Variants in TRMT11 observed in about 807,000 individuals in gnomAD.
TRMT11 encodes the protein tRNA (guanine(10)-N(2))-methyltransferase TRMT11.
In TRMT11, 53 loss-of-function variants were observed where a neutral mutation model predicts 62.8. That is an observed-to-expected ratio of 0.84 (90% CI 0.68 to 1.06). TRMT11 has a LOEUF of 1.06. TRMT11 is among the 50% of genes least tolerant of loss of function. TRMT11 has a pLI of 0.00. For missense variants in TRMT11, 556 were observed against 553.4 expected, an observed-to-expected ratio of 1.00 and a Z score of -0.05; for synonymous variants, 188 against 190.3, an observed-to-expected ratio of 0.99 and a Z score of 0.10.
chr6:126,237,943 G>A, the TRMT11 span, among the ~76,000 whole-genome samples: 1 of 151,982 alleles, frequency 6.6e-6, no homozygotes, highest in Non-Finnish European at 1.5e-5. Context: ...GTCTTGGGAG[G>A]GTGTATGTGT....
chr6:126,074,086 C>G (rs1025505106), intron 17 of TRMT11, among the ~76,000 whole-genome samples: 1 of 152,160 alleles, frequency 6.6e-6, no homozygotes, highest in African/African-American at 2.4e-5. Flanking sequence ...AACTACAGTT[C>G]CAGATGAGAT....
intron 17 of TRMT11, among the ~76,000 whole-genome samples, chr6:126,093,048 G>A (rs1777294786): frequency 6.6e-6 from 1 of 152,114 alleles, no homozygotes; most frequent in Non-Finnish European, 1.5e-5. Flanking sequence ...CTCATGAACT[G>A]TTTATTATTT....
intron 21 of TRMT11, among the ~76,000 whole-genome samples, chr6:126,121,297 T>C (rs770132204): frequency 9.9e-5 from 15 of 152,154 alleles, no homozygotes; most frequent in Non-Finnish European, 1.5e-4. Context: ...CATTTAGATA[T>C]GATGCCCATT....
chr6:126,258,239 CCCGGG>C, the TRMT11 span: 1 of 615,482 alleles, frequency 1.6e-6, no homozygotes, highest in Non-Finnish European at 3.2e-6. Flanking sequence ...GTCTGTGCCG[CCCGGG>C]CCTCCTCCTG....
At chr6:126,037,609 T>A (rs567601662) in intron 12 of TRMT11, among the ~76,000 whole-genome samples, 29 of 152,224 alleles carry the variant, frequency 1.9e-4, no homozygotes, top group Non-Finnish European at 8.8e-5. Flanking sequence ...TAATTTTTGA[T>A]AATCTGGGTT....
chr6:126,055,775 G>A (rs1192798236), intron 17 of TRMT11, among the ~76,000 whole-genome samples: 1 of 152,006 alleles, frequency 6.6e-6, no homozygotes, highest in South Asian at 2.1e-4. Flanking sequence ...TCTTTTTCAT[G>A]CTTCCTCAGT....
chr6:126,257,974 G>A, the TRMT11 span: 2 of 1,562,258 alleles, frequency 1.3e-6, no homozygotes, highest in Admixed American at 1.7e-5. Flanking sequence ...TTGTCCAGCA[G>A]GTCAGGGATG....
chr6:126,185,031 C>G (rs1353970322), intron 1 of TRMT11, among the ~76,000 whole-genome samples: 1 of 152,128 alleles, frequency 6.6e-6, no homozygotes, highest in Non-Finnish European at 1.5e-5. Context: ...GTCTTTCTTC[C>G]TGGTCCACTC....
chr6:126,026,808 T>C (rs900547294), intron 12 of TRMT11, among the ~76,000 whole-genome samples: 11 of 148,946 alleles, frequency 7.4e-5, no homozygotes, highest in Non-Finnish European at 1.0e-4. Context: ...TTGGGTTTTT[T>C]TTTTTTTTTT....
At chr6:126,087,263 A>G (rs189608634) in intron 17 of TRMT11, among the ~76,000 whole-genome samples, 1 of 152,342 alleles carries the variant, frequency 6.6e-6, no homozygotes, top group East Asian at 1.9e-4. Context: ...AGAACATTAT[A>G]TTGGAAAATA....
chr6:126,134,301 G>A (rs763082213), intron 21 of TRMT11, among the ~76,000 whole-genome samples: 28 of 151,850 alleles, frequency 1.8e-4, no homozygotes, highest in Non-Finnish European at 3.5e-4. Context: ...TGAAGGGATG[G>A]GAAAAGATAT....
At chr6:126,106,782 G>A (rs1583876641) in intron 17 of TRMT11, among the ~76,000 whole-genome samples, 1 of 152,150 alleles carries the variant, frequency 6.6e-6, no homozygotes, top group Middle Eastern at 3.4e-3. Flanking sequence ...CATATATTAA[G>A]TATTCAATAC....
At chr6:126,172,337 A>G (rs533497867), upstream of TRMT11, among the ~76,000 whole-genome samples, 2 of 152,278 alleles carry the variant, frequency 1.3e-5, no homozygotes, top group Non-Finnish European at 2.9e-5. Context: ...TGTTACTCCA[A>G]GAAGTTATGT....
chr6:126,134,551 G>C (rs569625529), intron 21 of TRMT11, among the ~76,000 whole-genome samples: 1 of 151,906 alleles, frequency 6.6e-6, no homozygotes, highest in African/African-American at 2.4e-5. Context: ...ATAGAAGTAG[G>C]ATACTTCAAC....
chr6:125,988,712 G>C (rs1198460786), intron 1 of TRMT11, among the ~76,000 whole-genome samples: 1 of 152,184 alleles, frequency 6.6e-6, no homozygotes. Context: ...AAACGATTGA[G>C]TGGAGAAGAG....
chr6:126,012,911 G>A (rs941686246), intron 10 of TRMT11, 59 bp downstream of exon 10: 69 of 1,609,292 alleles, frequency 4.3e-5, no homozygotes, highest in East Asian at 2.2e-4. Flanking sequence ...TGGCTTCCCC[G>A]TTAACTTAGC....
chr6:126,200,097 G>A (rs1285612850), intron 3 of TRMT11, among the ~76,000 whole-genome samples: 1 of 152,202 alleles, frequency 6.6e-6, no homozygotes, highest in East Asian at 1.9e-4. Flanking sequence ...TGTAAGGGCA[G>A]GGGTCATGAG....
intron 21 of TRMT11, among the ~76,000 whole-genome samples, chr6:126,137,526 G>A (rs1777865189): frequency 6.6e-6 from 1 of 151,788 alleles, no homozygotes; most frequent in African/African-American, 2.4e-5. Flanking sequence ...TAAACTGTTG[G>A]TGAGAATGTC....
At chr6:126,153,233 GT>G (rs1285721046) in intron 21 of TRMT11, among the ~76,000 whole-genome samples, 1 of 152,070 alleles carries the variant, frequency 6.6e-6, no homozygotes, top group Middle Eastern at 3.2e-3. Context: ...TATTTATACA[GT>G]TTTGGAATAA....
Sources: gnomAD v4.1 joint callset for allele counts (sites outside exome capture counted in the v4.1 genomes callset) on GRCh38, gnomAD v4.1.1 for gene constraint, MANE v1.5 for transcripts, NCBI Gene and HGNC (gene_info 2026-07-23, HGNC 2026-07-21) for gene names.